The following RASEF variants were observed in gnomAD, a reference collection of about 807,000 sequenced individuals.
The protein encoded by RASEF is ras and EF-hand domain-containing protein.
Under a neutral mutation model 90.1 loss-of-function variants are expected in RASEF, and 68 were observed. That is an observed-to-expected ratio of 0.75 (90% confidence interval 0.62 to 0.92). The LOEUF (loss-of-function observed/expected upper bound fraction) is 0.92. Ranked by LOEUF, RASEF falls within the 40% of genes least tolerant of loss-of-function variation. The probability of loss-of-function intolerance (pLI) is 0.00; values close to 1 mark genes in which losing one functional copy is unlikely to be tolerated. For missense variants in RASEF, 949 were observed against 937.2 expected (o/e 1.01, Z -0.16); for synonymous variants, 331 against 345.2 (o/e 0.96, Z 0.46).
the RASEF span, among the ~76,000 whole-genome samples, chr9:83,181,796 G>A: frequency 6.6e-6 from 1 of 151,942 alleles, no homozygotes; most frequent in Admixed American, 6.6e-5. Context: ...ACCTCAAATT[G>A]GTTTAGGAAA....
chr9:83,036,314 T>TCAGC lies in RASEF; in HGVS notation c.432-10397_432-10394dup, dbSNP rs1290240378. On this transcript the variant is annotated intron_variant, in intron 1 of 16. Coordinates refer to ENST00000376447, the MANE Select transcript of RASEF (RefSeq NM_152573.4). ...CTGCCTCGGCCAACCACCTGGAAAG[T>TCAGC]CAGCCAGTTGTGCTCCTATCTGCAA... 4.9e-4 allele frequency among the ~76,000 whole-genome samples: 74 copies of TCAGC among 152,312 alleles called. 1 individual carries two copies. Among genetic ancestry groups the TCAGC allele is most frequent in the South Asian group, 1.0e-3 (5 of 4,828 alleles).
At chr9:83,022,607 G>A (rs545064039) in intron 2 of RASEF, among the ~76,000 whole-genome samples, 181 bp from the exon 3 acceptor site, 4 of 152,270 alleles carry the variant, frequency 2.6e-5, no homozygotes, top group East Asian at 3.9e-4. Context: ...CCATTTTGGT[G>A]TAAAATGATT....
rs748905308 is a variant in RASEF at position 83,015,824 on chromosome 9, G to A, written c.746C>T (p.Thr249Ile). The A allele has an allele frequency of 6.2e-7, 1 of 1,613,390 alleles. No homozygotes were observed. The highest frequency in any genetic ancestry group is 8.5e-7 in the Non-Finnish European group (1 of 1,179,416). ...YETEVGDLQVTIKKLRKLEEQ... is the reference protein window; with the variant it reads ...YETEVGDLQVIIKKLRKLEEQ... ...GCCTACCTTTCTTAGCTTTTTAATG[G>A]TCACCTGCAGATCTCCTACTTCAGT... The change falls in exon 4 of 17, where the codon ACC becomes ATC. Residue 249 changes from threonine (T) to isoleucine (I), a missense_variant. By Grantham distance (89) the Thr-to-Ile change is moderately conservative. Coordinates refer to ENST00000376447, the MANE Select transcript of RASEF (RefSeq NM_152573.4).
the RASEF span, among the ~76,000 whole-genome samples, chr9:83,199,780 A>G: frequency 3.3e-5 from 5 of 152,306 alleles, no homozygotes; most frequent in Admixed American, 2.6e-4. Flanking sequence ...ACAAATGCGT[A>G]TCTGATATAG....
At chr9:83,137,560 T>C in the RASEF span, among the ~76,000 whole-genome samples, 605 of 152,196 alleles carry the variant, frequency 4.0e-3, 8 homozygotes, top group African/African-American at 0.014. Context: ...GATGGGTTCA[T>C]GCTGGGAATA....
At chr9:82,998,058 G>C (rs1828953723) in intron 13 of RASEF, among the ~76,000 whole-genome samples, 1 of 152,076 alleles carries the variant, frequency 6.6e-6, no homozygotes, top group Non-Finnish European at 1.5e-5. Context: ...GAGTTCCTCA[G>C]GCTGTCACTG....
the RASEF span, among the ~76,000 whole-genome samples, chr9:83,158,785 TAC>T: frequency 4.0e-5 from 6 of 150,420 alleles, no homozygotes; most frequent in Admixed American, 3.3e-4. Context: ...TGAATATATA[TAC>T]ACACATATGC....
chr9:82,985,141 A>C (rs956430223), intron 16 of RASEF, among the ~76,000 whole-genome samples: 2 of 152,226 alleles, frequency 1.3e-5, no homozygotes, highest in African/African-American at 4.8e-5. Context: ...CAGAAAGGTC[A>C]GGCTGTGTAT....
chr9:83,149,809 C>A, the RASEF span, among the ~76,000 whole-genome samples: 2 of 152,170 alleles, frequency 1.3e-5, no homozygotes, highest in African/African-American at 2.4e-5. Flanking sequence ...TTACTCACAG[C>A]ACTTCTAACA....
Position 83,062,990 on chromosome 9 carries a change from C to G in RASEF, c.-123G>C. ...GCGAGTTTGGCTCGTCCGGCTGGTT[C>G]GGCCACTTGAGGGAACGTCGGGCGG... On this transcript the variant is annotated 5_prime_UTR_variant, in exon 1 of 17. Transcript: ENST00000376447. 9.0e-7 allele frequency: 1 copy of G among 1,107,776 alleles called. No individual in the cohort carries two copies. Among genetic ancestry groups the G allele is most frequent in the South Asian group, 2.0e-5 (1 of 49,260 alleles). The allele number at this position is 1,107,776 out of a possible 1,614,324, so 68.6% of individuals were successfully genotyped here. A position where few individuals can be genotyped will look rare whatever the true frequency, so the allele number is the denominator to read the frequency against.
chr9:83,133,459 A>T, the RASEF span, among the ~76,000 whole-genome samples: 1 of 152,218 alleles, frequency 6.6e-6, no homozygotes, highest in Non-Finnish European at 1.5e-5. Context: ...TGATTTGATA[A>T]AAGAACAGGA....
At chr9:83,085,770 C>T in the RASEF span, among the ~76,000 whole-genome samples, 1 of 151,842 alleles carries the variant, frequency 6.6e-6, no homozygotes, top group Admixed American at 6.6e-5. Flanking sequence ...ACTAAAAATA[C>T]AAATATTAGC....
chr9:83,194,839 T>C, the RASEF span, among the ~76,000 whole-genome samples: 1 of 152,258 alleles, frequency 6.6e-6, no homozygotes, highest in South Asian at 2.1e-4. Flanking sequence ...GGATTACTCC[T>C]GTGCCCCTTT....
At chr9:83,216,763 C>T in the RASEF span, among the ~76,000 whole-genome samples, 1 of 152,104 alleles carries the variant, frequency 6.6e-6, no homozygotes, top group African/African-American at 2.4e-5. Flanking sequence ...TTTCTAGATA[C>T]AATGGGGGTA....
chr9:82,990,367 T>C, intron 16 of RASEF, 24 bp downstream of exon 16: 1 of 1,561,172 alleles, frequency 6.4e-7, no homozygotes, highest in South Asian at 1.1e-5. Context: ...AATTCAATCC[T>C]ACATCCATTT....
chr9:83,064,448 G>C (rs12344954), upstream of RASEF, among the ~76,000 whole-genome samples: 309 of 152,282 alleles, frequency 2.0e-3, 2 homozygotes, highest in African/African-American at 6.9e-3. Context: ...GTGCTTTCCT[G>C]TTTATTCTAA....
the RASEF span, among the ~76,000 whole-genome samples, chr9:83,142,731 C>A: frequency 3.3e-5 from 5 of 152,132 alleles, no homozygotes; most frequent in South Asian, 8.3e-4. Context: ...TTGGTGGATC[C>A]TTTCATTTTT....
chr9:83,027,113 T>C (rs1241148768), intron 1 of RASEF, among the ~76,000 whole-genome samples: 1 of 152,166 alleles, frequency 6.6e-6, no homozygotes, highest in Non-Finnish European at 1.5e-5. Flanking sequence ...TAACTCAGGA[T>C]GGCCAAATGG....
At chr9:83,076,429 AAG>A in the RASEF span, among the ~76,000 whole-genome samples, 76,483 of 146,080 alleles carry the variant, frequency 0.52, 19,632 homozygotes, top group East Asian at 0.76. Flanking sequence ...AGGTCTAGTT[AAG>A]AAAAAAAAAA....
Sources: allele counts gnomAD v4.1 joint callset (sites outside exome capture counted in the v4.1 genomes callset), GRCh38; gene constraint gnomAD v4.1.1; transcripts MANE v1.5; gene names NCBI Gene and HGNC (gene_info 2026-07-23, HGNC 2026-07-21).